Variants in DLGAP2 observed in about 807,000 individuals in gnomAD.
The protein encoded by DLGAP2 is disks large-associated protein 2.
DLGAP2 carries 26 observed loss-of-function variants against 100.3 expected under a neutral mutation model. That is an observed-to-expected ratio of 0.26 (90% confidence interval 0.19 to 0.36). The LOEUF (loss-of-function observed/expected upper bound fraction) is 0.36, where lower values mean the gene tolerates loss of function less well. Ranked by LOEUF, DLGAP2 falls within the 10% of genes least tolerant of loss-of-function variation. The pLI is 1.00. For missense variants in DLGAP2, 1,858 were observed against 1,453.2 expected (o/e 1.28, Z -4.53); for synonymous variants, 886 against 630.1 (o/e 1.41, Z -6.08).
chr8:1,189,036 G>T (rs1007509341), intron 2 of DLGAP2, among the ~76,000 whole-genome samples: 1 of 120,428 alleles, frequency 8.3e-6, no homozygotes, highest in Non-Finnish European at 1.5e-5. Context: ...CCCCATGGCG[G>T]TTCCGCTGTT....
intron 2 of DLGAP2, among the ~76,000 whole-genome samples, chr8:1,156,700 AC>A (rs1563220176): frequency 6.9e-6 from 1 of 145,786 alleles, no homozygotes. Flanking sequence ...CAGCTCAGCA[AC>A]CCGGCTCAGC....
At chr8:1,479,790 GTC>G (rs1389189068) in intron 3 of DLGAP2, among the ~76,000 whole-genome samples, 1 of 152,180 alleles carries the variant, frequency 6.6e-6, no homozygotes. Flanking sequence ...AATTTTTGGT[GTC>G]TCTGCGTTGC....
chr8:1,626,641 G>T (rs1042867060), intron 6 of DLGAP2, 99 bp from the exon 7 acceptor site: 1 of 1,445,302 alleles, frequency 6.9e-7, no homozygotes, highest in Middle Eastern at 1.7e-4. Flanking sequence ...GCCCTGTGGT[G>T]GGTGCTCAGC....
rs533187817 is a variant in DLGAP2, at chr8:1,670,313, G to T, written c.2202+529G>T. Among the ~76,000 whole-genome samples the T allele has an allele frequency of 2.5e-4, 38 of 152,228 alleles. 3 individuals are homozygous for T. In the South Asian group the frequency reaches 7.7e-3, roughly 31 times the overall value. On this transcript the variant is annotated intron_variant, in intron 10 of 14. Coordinates refer to ENST00000637795, the MANE Select transcript of DLGAP2 (RefSeq NM_001346810.2). Reference sequence around the variant, plus strand: ...GCACAGTGCCGCCGCTTCCTGCCCCGCCCACAGCCAGGACCCCACACCCCT... The same window carrying T: ...GCACAGTGCCGCCGCTTCCTGCCCCTCCCACAGCCAGGACCCCACACCCCT...
intron 2 of DLGAP2, among the ~76,000 whole-genome samples, chr8:984,649 C>G (rs1800436292): frequency 6.6e-6 from 1 of 152,212 alleles, no homozygotes; most frequent in Non-Finnish European, 1.5e-5. Context: ...AAGAGCACGG[C>G]CTCCCAGTCA....
intron 6 of DLGAP2, among the ~76,000 whole-genome samples, chr8:1,598,988 T>G (rs956797109): frequency 6.6e-6 from 1 of 152,230 alleles, no homozygotes; most frequent in Non-Finnish European, 1.5e-5. Flanking sequence ...TTTCCCACTT[T>G]CTCCTGTGGG....
At chr8:1,571,047 A>AGG (rs1194284112) in intron 6 of DLGAP2, among the ~76,000 whole-genome samples, 5 of 62,336 alleles carry the variant, frequency 8.0e-5, no homozygotes, top group Admixed American at 2.1e-4. Flanking sequence ...GAGAGGAGAG[A>AGG]GGTGAACTGT....
intron 3 of DLGAP2, among the ~76,000 whole-genome samples, chr8:1,267,558 C>CAAAATAAAATAAAAT (rs551085463): frequency 1.6e-5 from 1 of 63,110 alleles, no homozygotes; most frequent in Non-Finnish European, 2.9e-5. Flanking sequence ...AATTCCCGCT[C>CAAAATAAAATAAAAT]AAAATAAAAT....
intron 2 of DLGAP2, among the ~76,000 whole-genome samples, chr8:1,063,821 C>T (rs947886675): frequency 1.3e-5 from 2 of 152,142 alleles, no homozygotes; most frequent in Non-Finnish European, 2.9e-5. Flanking sequence ...CTCGGTGCCT[C>T]TCCACACGGA....
chr8:1,392,357 A>C (rs910396861), intron 3 of DLGAP2, among the ~76,000 whole-genome samples: 1 of 152,076 alleles, frequency 6.6e-6, no homozygotes, highest in African/African-American at 2.4e-5. Context: ...CTGCACTCCC[A>C]CGGGGAGGGC....
chr8:1,632,017 C>G (rs1205387684), intron 7 of DLGAP2, among the ~76,000 whole-genome samples: 1 of 151,636 alleles, frequency 6.6e-6, no homozygotes, highest in African/African-American at 2.4e-5. Flanking sequence ...GTGCTTTGAG[C>G]TGTCACACAT....
At chr8:1,299,289 G>A (rs945551226) in intron 3 of DLGAP2, among the ~76,000 whole-genome samples, 4 of 152,218 alleles carry the variant, frequency 2.6e-5, no homozygotes, top group Admixed American at 6.5e-5. Context: ...CCAGGGTGCC[G>A]CATGGATGGT....
chr8:1,076,778 C>T (rs893570326), intron 2 of DLGAP2, among the ~76,000 whole-genome samples: 2 of 152,044 alleles, frequency 1.3e-5, no homozygotes, highest in East Asian at 1.9e-4. Flanking sequence ...TCTGGAGGCT[C>T]GAAGTTCAAG....
intron 3 of DLGAP2, among the ~76,000 whole-genome samples, chr8:1,362,188 G>T (rs1801997115): frequency 6.6e-6 from 1 of 152,138 alleles, no homozygotes; most frequent in South Asian, 2.1e-4. Flanking sequence ...GGGAGGGCAG[G>T]GGCGGCCGAG....
chr8:1,456,782 T>A (rs1328587597), intron 3 of DLGAP2, among the ~76,000 whole-genome samples: 2 of 152,094 alleles, frequency 1.3e-5, no homozygotes, highest in Non-Finnish European at 2.9e-5. Context: ...GTGAAATTGG[T>A]TTTGCGAGGG....
intron 2 of DLGAP2, among the ~76,000 whole-genome samples, chr8:1,048,550 C>T (rs1802582884): frequency 6.6e-6 from 1 of 151,734 alleles, no homozygotes; most frequent in African/African-American, 2.4e-5. Context: ...TGTCCCGTCT[C>T]TTCTGCTTGA....
chr8:1,507,588 C>T (rs1348363264), intron 4 of DLGAP2, among the ~76,000 whole-genome samples: 2 of 152,198 alleles, frequency 1.3e-5, no homozygotes, highest in Non-Finnish European at 2.9e-5. Flanking sequence ...AAGGGCTCCT[C>T]AAGTGCGGCC....
intron 3 of DLGAP2, among the ~76,000 whole-genome samples, chr8:1,490,576 G>A (rs1041058409): frequency 6.6e-6 from 1 of 152,196 alleles, no homozygotes; most frequent in Non-Finnish European, 1.5e-5. Flanking sequence ...CAGAGGTGGC[G>A]CAGCCCTGGG....
intron 3 of DLGAP2, chr8:1,297,273 T>A (rs1321734844): frequency 1.3e-5 from 2 of 152,212 alleles, no homozygotes; most frequent in African/African-American, 4.8e-5. Flanking sequence ...TCTTAACACA[T>A]GTAAACGTAC....
Sources: gnomAD v4.1 joint callset for allele counts (sites outside exome capture counted in the v4.1 genomes callset) on GRCh38, gnomAD v4.1.1 for gene constraint, MANE v1.5 for transcripts, NCBI Gene and HGNC (gene_info 2026-07-23, HGNC 2026-07-21) for gene names.